ZC3HAV1: variants seen among roughly 807,000 people sequenced by gnomAD.
ZC3HAV1 encodes the protein zinc finger CCCH-type antiviral protein 1.
In ZC3HAV1, 41 loss-of-function variants were observed where a neutral mutation model predicts 86.6. That is an observed-to-expected ratio of 0.47 (90% CI 0.37 to 0.61). The LOEUF is 0.61. ZC3HAV1 is among the 20% of genes least tolerant of loss of function. The pLI is 0.00. For synonymous variants in ZC3HAV1, 421 were observed against 432.1 expected (o/e 0.97, Z 0.32); for missense variants, 964 against 1,141.1 (o/e 0.84, Z 2.24).
At position 139,105,032 on chromosome 7, in the gene ZC3HAV1, CAAAAAAAAAA is replaced by C. The variant is rs34053904; in HGVS notation, c.308+3982_308+3991del. Among the ~76,000 whole-genome samples, 41 of 72,832 alleles carry C rather than the reference CAAAAAAAAAA, an allele frequency of 5.6e-4. No individual in the cohort carries two copies. In the South Asian group the frequency reaches 9.4e-3, roughly 17 times the overall value. The allele number at this position is 72,832 out of a possible 152,430, so 47.8% of individuals were successfully genotyped here. A position where few individuals can be genotyped will look rare whatever the true frequency, so the allele number is the denominator to read the frequency against. ...TGGGTGACAGAGTGAGACTCTGTCT[CAAAAAAAAAA>C]AAAAAAAAAAAGAAAAGAAAAGTTA... On this transcript the variant is annotated intron_variant, in intron 1 of 12. Transcript: ENST00000242351.
intron 1 of ZC3HAV1, among the ~76,000 whole-genome samples, chr7:139,095,559 G>A (rs1397194698): frequency 3.3e-5 from 5 of 152,356 alleles, no homozygotes; most frequent in Non-Finnish European, 7.3e-5. Context: ...CTGCACCGAG[G>A]AGGAAGAGGA....
At chr7:139,082,402 T>C (rs184850866) in intron 3 of ZC3HAV1, among the ~76,000 whole-genome samples, 3 of 150,472 alleles carry the variant, frequency 2.0e-5, no homozygotes, top group African/African-American at 7.3e-5. Flanking sequence ...CTGGCAGAAA[T>C]GAAAAATGGC....
At chr7:139,061,459 C>G (rs559297956) in intron 8 of ZC3HAV1, among the ~76,000 whole-genome samples, 4 of 152,320 alleles carry the variant, frequency 2.6e-5, no homozygotes, top group Non-Finnish European at 5.9e-5. Flanking sequence ...TTCCCTACAC[C>G]AGACATCAGT....
At chr7:139,064,776 T>G in intron 8 of ZC3HAV1, 103 bp downstream of exon 8, 1 of 1,569,840 alleles carries the variant, frequency 6.4e-7, no homozygotes, top group Non-Finnish European at 8.7e-7. Context: ...ATCTTGACCT[T>G]GACCCTGGCC....
chr7:139,057,925 C>T (rs1488139266), intron 9 of ZC3HAV1, among the ~76,000 whole-genome samples: 1 of 152,066 alleles, frequency 6.6e-6, no homozygotes. Flanking sequence ...AAGATTGGCC[C>T]CAGTTTATCT....
chr7:139,058,450 CCCCCA>C (rs201555991), intron 9 of ZC3HAV1, among the ~76,000 whole-genome samples: 3,609 of 148,564 alleles, frequency 0.024, 156 homozygotes, highest in African/African-American at 0.087. Context: ...ACCCCCCCCC[CCCCCA>C]CAAAAAAACA....
At chr7:139,062,357 A>G (rs978589488) in intron 8 of ZC3HAV1, among the ~76,000 whole-genome samples, 2 of 152,098 alleles carry the variant, frequency 1.3e-5, no homozygotes, top group African/African-American at 4.8e-5. Context: ...CAGACCATCT[A>G]CCTGTTCTGT....
rs146316959 is a variant in ZC3HAV1 at position 139,102,972 on chromosome 7, A to ATG, written c.308+6050_308+6051dup. 1.0e-4 allele frequency among the ~76,000 whole-genome samples: 9 copies of ATG among 87,988 alleles called. No individual in the cohort carries two copies. In the East Asian group the frequency reaches 3.4e-3, roughly 33 times the overall value. 57.7% of individuals were successfully genotyped at this position (87,988 alleles called of 152,430 possible). On this transcript the variant is annotated intron_variant, in intron 1 of 12. Transcript: ENST00000242351. ...TATGTATATGTATATGTATATGTATATGTGTGTGTGTGTTTATATATGATA... is the reference window on the plus strand; with the variant it reads ...TATGTATATGTATATGTATATGTATATGTGTGTGTGTGTGTTTATATATGATA...
At chr7:139,053,282 C>G (rs1312875657) in intron 12 of ZC3HAV1, among the ~76,000 whole-genome samples, 169 bp downstream of exon 12, 2 of 152,180 alleles carry the variant, frequency 1.3e-5, no homozygotes, top group Non-Finnish European at 2.9e-5. Context: ...TCAACTGATT[C>G]ACTCTCATTT....
intron 2 of ZC3HAV1, among the ~76,000 whole-genome samples, chr7:139,084,525 G>A (rs569602496): frequency 1.3e-5 from 2 of 152,328 alleles, no homozygotes; most frequent in South Asian, 2.1e-4. Flanking sequence ...GACTAGCTCT[G>A]AAGAGATGTA....
At chr7:139,065,550 C>T (rs1816574431) in intron 7 of ZC3HAV1, among the ~76,000 whole-genome samples, 1 of 152,164 alleles carries the variant, frequency 6.6e-6, no homozygotes, top group African/African-American at 2.4e-5. Context: ...ATTGGCCGAG[C>T]CTCCTGCTAG....
intron 6 of ZC3HAV1, 138 bp downstream of exon 6, chr7:139,076,148 T>G: frequency 7.1e-7 from 1 of 1,400,494 alleles, no homozygotes; most frequent in Non-Finnish European, 9.7e-7. Context: ...TTTGCCATTT[T>G]TTATCTCAAG....
intron 7 of ZC3HAV1, among the ~76,000 whole-genome samples, chr7:139,067,988 A>G (rs927494721): frequency 6.7e-6 from 1 of 148,644 alleles, no homozygotes; most frequent in African/African-American, 2.5e-5. Flanking sequence ...TAAGAATGCT[A>G]CTTTCATTCT....
Position 139,089,850 on chromosome 7 carries a change from C to A in ZC3HAV1, c.309-91G>T, listed in dbSNP as rs1471744656. 4 of 1,383,326 alleles carry A rather than the reference C, an allele frequency of 2.9e-6. No homozygotes were observed. The East Asian group carries it at 1.0e-4, about 36-fold the overall frequency. The allele number at this position is 1,383,326 out of a possible 1,614,324, so 85.7% of individuals were successfully genotyped here. A position where few individuals can be genotyped will look rare whatever the true frequency, so the allele number is the denominator to read the frequency against. ...ATAAAACTTTCAGTCTGCAAAGACC[C>A]GTGCCCATATTCTCTGACAACAGAC... On this transcript the variant is annotated intron_variant, in intron 1 of 12. Transcript: ENST00000242351.
Position 139,109,070 on chromosome 7 carries a change from A to T in ZC3HAV1, c.262T>A (p.Cys88Ser). Residue 88 changes from cysteine to serine, a missense_variant, in exon 1 of 13, where the codon TGC (cysteine) becomes AGC (serine). Coordinates refer to ENST00000242351, the MANE Select transcript of ZC3HAV1 (RefSeq NM_020119.4). ...CACCGGCCCAGCAAGTTGAGTTTGC[A>T]GAGATGCAGGTTATCGCAGGGTCTC... is the stretch of plus-strand genomic sequence containing the variant. ...CQRPCDNLHL[C>S]KLNLLGRCNY... 6.3e-7 allele frequency: 1 copy of T among 1,588,260 alleles called. No homozygotes were observed. The highest frequency in any genetic ancestry group is 8.6e-7 in the Non-Finnish European group (1 of 1,165,150).
chr7:139,057,196 C>T (rs1372585184), intron 9 of ZC3HAV1, among the ~76,000 whole-genome samples: 6 of 151,924 alleles, frequency 3.9e-5, no homozygotes, highest in Admixed American at 6.6e-5. Flanking sequence ...TCTCTAGAAA[C>T]ATTTTTTTTA....
intron 1 of ZC3HAV1, among the ~76,000 whole-genome samples, chr7:139,097,418 A>ATTTTT (rs1563140611): frequency 3.4e-4 from 27 of 78,456 alleles, no homozygotes; most frequent in African/African-American, 1.7e-3. Flanking sequence ...ATATATATAT[A>ATTTTT]TATATATATA....
chr7:139,053,849 C>T (rs933260004), intron 11 of ZC3HAV1, 116 bp downstream of exon 11: 17 of 1,155,556 alleles, frequency 1.5e-5, no homozygotes, highest in African/African-American at 8.6e-5. Context: ...AAAAGACTAG[C>T]GCCTAAAGGA....
intron 12 of ZC3HAV1, 103 bp from the exon 13 acceptor site, chr7:139,047,956 T>C: frequency 8.6e-7 from 1 of 1,164,900 alleles, no homozygotes; most frequent in South Asian, 1.4e-5. Context: ...TAAGCATATG[T>C]CAATAATACC....
Sources: gnomAD v4.1 joint callset for allele counts (sites outside exome capture counted in the v4.1 genomes callset) on GRCh38, gnomAD v4.1.1 for gene constraint, MANE v1.5 for transcripts, NCBI Gene and HGNC (gene_info 2026-07-23, HGNC 2026-07-21) for gene names.